Variants in ATP6V0D2 observed in about 807,000 individuals in gnomAD.
ATP6V0D2 encodes the protein ATPase H+ transporting V0 subunit d2.
ATP6V0D2 carries 40 observed loss-of-function variants against 40.0 expected under a neutral mutation model. That is an observed-to-expected ratio of 1.00 (90% confidence interval 0.78 to 1.30). ATP6V0D2 has a LOEUF of 1.30. Ranked by LOEUF, ATP6V0D2 falls within the 50% of genes most tolerant of loss-of-function variation. ATP6V0D2 has a pLI of 0.00. For synonymous variants in ATP6V0D2, 179 were observed against 156.3 expected (o/e 1.15, Z -1.08); for missense variants, 470 against 423.1 (o/e 1.11, Z -0.97).
In ATP6V0D2 at chr8:86,151,543, A is replaced by G. The variant is rs1354839676; in HGVS notation, c.891+3A>G. ...AGGACGTGTTTTACGAGCGTGAGGT[A>G]TGATATAAGTGGAAATACTATTAGC... On this transcript the variant is annotated splice_donor_region_variant and intron_variant, in intron 7 of 7. Transcript: ENST00000285393. 1.1e-5 allele frequency: 18 copies of G among 1,599,668 alleles called. No individual in the cohort carries two copies. In the Middle Eastern group the frequency reaches 8.3e-4, roughly 74 times the overall value.
At chr8:86,105,636 T>TTG (rs56658905) in intron 1 of ATP6V0D2, among the ~76,000 whole-genome samples, 4 of 147,846 alleles carry the variant, frequency 2.7e-5, no homozygotes, top group African/African-American at 9.9e-5. Context: ...TTTTTTTTTT[T>TTG]GAGATGGATT....
At chr8:86,118,890 A>G (rs542202261) in intron 2 of ATP6V0D2, among the ~76,000 whole-genome samples, 1 of 152,334 alleles carries the variant, frequency 6.6e-6, no homozygotes, top group East Asian at 1.9e-4. Context: ...TGAGGAACCT[A>G]GAACTTAAGT....
chr8:86,137,608 C>T (rs576097527), intron 2 of ATP6V0D2, among the ~76,000 whole-genome samples: 1 of 152,320 alleles, frequency 6.6e-6, no homozygotes, highest in East Asian at 1.9e-4. Flanking sequence ...TTACCTTGAA[C>T]TCATTCCATC....
Position 86,099,053 on chromosome 8 carries a change from C to G in ATP6V0D2, c.75C>G (p.Ala25=), listed in dbSNP as rs541948439. 1 of 1,613,720 alleles carries G rather than the reference C, an allele frequency of 6.2e-7. No individual in the cohort carries two copies. Among genetic ancestry groups the G allele is most frequent in the African/African-American group, 1.3e-5 (1 of 74,902 alleles). The part of the protein sequence containing the change: ...YLEGLVRGCK[A]SLLTQQDYIN... ...AGGGCCTGGTTCGAGGATGCAAGGC[C>G]AGCCTCCTGACCCAGCAAGACTATA... Residue 25 remains alanine, a synonymous_variant, in exon 1 of 8, where the codon GCC becomes GCG. Transcript: ENST00000285393.
Position 86,152,782 on chromosome 8 carries a change from T to C in ATP6V0D2, c.892-34T>C, listed in dbSNP as rs10504820. On this transcript the variant is annotated intron_variant, in intron 7 of 7. Transcript: ENST00000285393. The stretch of plus-strand genomic sequence containing the variant: ...ATTATTCCATAATGTTCCAAATAAG[T>C]TGATGATCTGTGTTACTTTTTTTCT... 0.14 allele frequency: 225,063 copies of C among 1,565,342 alleles called. 17,532 individuals carry two copies. The highest frequency in any genetic ancestry group is 0.26 in the Admixed American group (13,239 of 51,054).
intron 2 of ATP6V0D2, among the ~76,000 whole-genome samples, chr8:86,121,604 G>A (rs3076003): frequency 7.1e-6 from 1 of 141,084 alleles, no homozygotes; most frequent in Non-Finnish European, 1.6e-5. Context: ...AGGAGGAGGA[G>A]GAGGAGGAGG....
At chr8:86,150,740 G>C (rs912812082) in intron 6 of ATP6V0D2, among the ~76,000 whole-genome samples, 15 of 152,176 alleles carry the variant, frequency 9.9e-5, no homozygotes, top group African/African-American at 3.6e-4. Flanking sequence ...CACTCACCTT[G>C]CTGAGTGGCC....
chr8:86,137,575 A>T (rs1202373777), intron 2 of ATP6V0D2, among the ~76,000 whole-genome samples: 2 of 152,124 alleles, frequency 1.3e-5, no homozygotes, highest in African/African-American at 4.8e-5. Context: ...CTTACTTGAC[A>T]TCTCCTCTTG....
chr8:86,133,147 G>A (rs778157556), intron 2 of ATP6V0D2, among the ~76,000 whole-genome samples: 5 of 151,802 alleles, frequency 3.3e-5, no homozygotes, highest in Non-Finnish European at 5.9e-5. Context: ...GAATGACCTG[G>A]TTTTGAGTTT....
chr8:86,128,017 G>T (rs546538702), intron 2 of ATP6V0D2, among the ~76,000 whole-genome samples: 15 of 152,030 alleles, frequency 9.9e-5, no homozygotes, highest in Non-Finnish European at 2.1e-4. Context: ...AGCAATTAGA[G>T]GTTGTGGTGA....
At chr8:86,151,751 CTTTCTTT>C (rs1819156458) in intron 7 of ATP6V0D2, among the ~76,000 whole-genome samples, 4 of 89,054 alleles carry the variant, frequency 4.5e-5, no homozygotes, top group Non-Finnish European at 7.1e-5. Flanking sequence ...TGTAGCTTTT[CTTTCTTT>C]TTTTTTTTTT....
intron 1 of ATP6V0D2, among the ~76,000 whole-genome samples, chr8:86,113,341 G>A (rs558991916): frequency 1.3e-5 from 2 of 151,988 alleles, no homozygotes; most frequent in Non-Finnish European, 2.9e-5. Context: ...AATTAGCCAG[G>A]TATAGTGGCA....
chr8:86,114,176 T>C (rs1818565199), intron 2 of ATP6V0D2, among the ~76,000 whole-genome samples: 2 of 152,176 alleles, frequency 1.3e-5, no homozygotes. Flanking sequence ...AAGGTGTTAG[T>C]ACTGAAGGTA....
chr8:86,144,212 A>C lies in ATP6V0D2; in HGVS notation c.639+1258A>C, dbSNP rs550218506. 2.6e-5 allele frequency among the ~76,000 whole-genome samples: 4 copies of C among 152,342 alleles called. No homozygotes were observed. In the South Asian group the frequency reaches 8.3e-4, roughly 32 times the overall value. ...CATATGCATGGGAGATTCAGGGCAGAGATCAGAAGGATTTGTGGGGCATCC... is the reference window on the plus strand; with the variant it reads ...CATATGCATGGGAGATTCAGGGCAGCGATCAGAAGGATTTGTGGGGCATCC... On this transcript the variant is annotated intron_variant, in intron 5 of 7. Transcript: ENST00000285393.
At chr8:86,103,392 A>T (rs964478878) in intron 1 of ATP6V0D2, among the ~76,000 whole-genome samples, 1 of 151,748 alleles carries the variant, frequency 6.6e-6, no homozygotes, top group Non-Finnish European at 1.5e-5. Flanking sequence ...TGGCCTCCTA[A>T]AGTGCTGGGA....
chr8:86,138,079 G>A (rs1229249937), intron 2 of ATP6V0D2, among the ~76,000 whole-genome samples: 1 of 152,030 alleles, frequency 6.6e-6, no homozygotes, highest in African/African-American at 2.4e-5. Flanking sequence ...TGTCTTTCGG[G>A]GCCCAACATG....
chr8:86,136,939 C>T (rs989702849), intron 2 of ATP6V0D2, among the ~76,000 whole-genome samples: 2 of 152,154 alleles, frequency 1.3e-5, no homozygotes, highest in Non-Finnish European at 2.9e-5. Flanking sequence ...GCGACCTTGC[C>T]TTGTCAACTG....
At position 86,143,045 on chromosome 8, in the gene ATP6V0D2, AT is replaced by A. The variant is rs11317974; in HGVS notation, c.639+100del. 0.15 allele frequency: 122,351 copies of A among 803,584 alleles called. 12,024 individuals are homozygous for A. Among genetic ancestry groups the A allele is most frequent in the East Asian group, 0.31 (11,332 of 37,090 alleles). 49.8% of individuals were successfully genotyped at this position (803,584 alleles called of 1,614,324 possible). Reference sequence around the variant, plus strand: ...CTTACTTATATTTCCTTATCTTTGAATTTTTTTTTAATCTAGAAGTAAGACA... The same window carrying A: ...CTTACTTATATTTCCTTATCTTTGAATTTTTTTTAATCTAGAAGTAAGACA... On this transcript the variant is annotated intron_variant, in intron 5 of 7. Coordinates refer to ENST00000285393, the MANE Select transcript of ATP6V0D2 (RefSeq NM_152565.1).
At chr8:86,135,537 T>A (rs1325494547) in intron 2 of ATP6V0D2, among the ~76,000 whole-genome samples, 2 of 152,222 alleles carry the variant, frequency 1.3e-5, no homozygotes, top group Non-Finnish European at 2.9e-5. Context: ...TCCTTAATAA[T>A]GGTTCTTACA....
Sources: allele counts gnomAD v4.1 joint callset (sites outside exome capture counted in the v4.1 genomes callset), GRCh38; gene constraint gnomAD v4.1.1; transcripts MANE v1.5; gene names NCBI Gene and HGNC (gene_info 2026-07-23, HGNC 2026-07-21).